Variants in PLEKHH2 observed in about 807,000 individuals in gnomAD.
PLEKHH2 encodes the protein pleckstrin homology, MyTH4 and FERM domain containing H2, also known as pleckstrin homology domain-containing family H member 2.
A neutral mutation model predicts 187.9 loss-of-function variants in PLEKHH2; 129 were observed. That is an observed-to-expected ratio of 0.69 (90% CI 0.59 to 0.79). PLEKHH2 has a LOEUF of 0.79. PLEKHH2 is among the 30% of genes least tolerant of loss of function. The pLI, the probability that PLEKHH2 is intolerant of heterozygous loss-of-function variation, is 0.00. For synonymous variants in PLEKHH2, 686 were observed against 605.6 expected, an observed-to-expected ratio of 1.13 and a Z score of -1.95; for missense variants, 2,076 against 1,751.2, an observed-to-expected ratio of 1.19 and a Z score of -3.31.
chr2:43,701,659 C>A (rs1369126630), intron 8 of PLEKHH2, among the ~76,000 whole-genome samples: 1 of 149,670 alleles, frequency 6.7e-6, no homozygotes, highest in Non-Finnish European at 1.5e-5. Flanking sequence ...TAGATAAAAT[C>A]TTCTTCCATT....
Position 43,765,498 on chromosome 2 carries a change from C to T in PLEKHH2, c.4382C>T (p.Ala1461Val), listed in dbSNP as rs1410369103. 3.1e-6 allele frequency: 5 copies of T among 1,614,168 alleles called. No homozygotes were observed. In the Admixed American group the frequency reaches 8.3e-5, roughly 27 times the overall value. The change falls in exon 30 of 30, where the codon GCA becomes GTA. Residue 1461 changes from alanine to valine, a missense_variant. Ala to Val is a moderately conservative substitution (Grantham distance 64, BLOSUM62 0). Transcript: ENST00000282406. The part of the protein sequence containing the change: ...KAAFHHLSAP[A>V]LLSAQTRGPQ... ...GCATTTCACCACCTCTCTGCTCCAG[C>T]ACTGCTCTCAGCCCAGACCCGGGGA...
intron 3 of PLEKHH2, among the ~76,000 whole-genome samples, chr2:43,688,356 T>G (rs1668630076): frequency 6.6e-6 from 1 of 152,218 alleles, no homozygotes; most frequent in South Asian, 2.1e-4. Flanking sequence ...TTTAAAATAC[T>G]CTAAACAATT....
chr2:43,699,724 C>G lies in PLEKHH2; in HGVS notation c.766C>G (p.Pro256Ala). Reference protein sequence around the residue: ...NRGQRTLHQTPCGSEQNRKTR... With the variant: ...NRGQRTLHQTACGSEQNRKTR... ...AGGCCAGAGAACATTGCATCAAACC[C>G]CTTGTGGCTCAGAACAGAATCGGAA... is the stretch of plus-strand genomic sequence containing the variant. The change falls in exon 8 of 30, where the codon CCT (proline) becomes GCT (alanine). Residue 256 changes from proline (P) to alanine (A), a missense_variant. By Grantham distance (27) the Pro-to-Ala change is conservative (BLOSUM62 -1). Coordinates refer to ENST00000282406, the MANE Select transcript of PLEKHH2 (RefSeq NM_172069.4). 6.2e-7 allele frequency: 1 copy of G among 1,614,170 alleles called. No homozygotes were observed. Among genetic ancestry groups the G allele is most frequent in the Non-Finnish European group, 8.5e-7 (1 of 1,180,032 alleles).
chr2:43,648,647 C>T (rs1387078622), intron 2 of PLEKHH2, among the ~76,000 whole-genome samples: 1 of 151,456 alleles, frequency 6.6e-6, no homozygotes, highest in Non-Finnish European at 1.5e-5. Context: ...GTTGCGCAAT[C>T]TTGGCTCACT....
chr2:43,704,715 G>GT (rs1175281322), intron 9 of PLEKHH2, among the ~76,000 whole-genome samples: 1 of 141,104 alleles, frequency 7.1e-6, no homozygotes, highest in Admixed American at 7.1e-5. Context: ...TATGTTCTGT[G>GT]TTTTTTCCCA....
chr2:43,739,169 G>T (rs1432290770), intron 20 of PLEKHH2, among the ~76,000 whole-genome samples: 2 of 152,126 alleles, frequency 1.3e-5, no homozygotes, highest in East Asian at 3.9e-4. Flanking sequence ...GGGATTACAG[G>T]TGTGAGCCAC....
chr2:43,725,328 T>C (rs1670688330), intron 16 of PLEKHH2, among the ~76,000 whole-genome samples: 1 of 152,190 alleles, frequency 6.6e-6, no homozygotes, highest in Non-Finnish European at 1.5e-5. Context: ...TCTATCTTAG[T>C]GTGTCCAAAG....
intron 3 of PLEKHH2, among the ~76,000 whole-genome samples, chr2:43,690,315 G>T (rs1418483405): frequency 2.6e-5 from 4 of 152,018 alleles, no homozygotes; most frequent in Admixed American, 2.6e-4. Context: ...TTATCATTTG[G>T]ATAGTAGAAT....
intron 1 of PLEKHH2, among the ~76,000 whole-genome samples, chr2:43,639,143 T>C (rs1703252106): frequency 6.6e-6 from 1 of 152,256 alleles, no homozygotes; most frequent in African/African-American, 2.4e-5. Context: ...TGTGAAATTC[T>C]TGGCAGGGAT....
rs372438174 is a variant in PLEKHH2 at position 43,729,742 on chromosome 2, C to A, written c.2827C>A (p.Pro943Thr). 66 of 1,584,354 alleles carry A rather than the reference C, an allele frequency of 4.2e-5. No individual in the cohort carries two copies. Among genetic ancestry groups the A allele is most frequent in the South Asian group, 6.9e-5 (6 of 86,820 alleles). ...VCKLLNIDGE[P>T]SSQIWRHPTL... ...CAAATTGCTAAATATAGACGGGGAG[C>A]CTTGTAAGTTCATAAACATATAAAT... Residue 943 changes from proline (P) to threonine (T), a missense_variant, in exon 18 of 30, where the codon CCT (proline) becomes ACT (threonine). By Grantham distance (38) the Pro-to-Thr change is conservative (BLOSUM62 -1). Transcript: ENST00000282406.
intron 3 of PLEKHH2, chr2:43,681,577 A>G: frequency 1.1e-6 from 1 of 943,180 alleles, no homozygotes. Flanking sequence ...CACCTTCGGC[A>G]CTCATGACTA....
chr2:43,746,681 A>G (rs907638576), intron 24 of PLEKHH2, among the ~76,000 whole-genome samples: 4 of 151,352 alleles, frequency 2.6e-5, no homozygotes, highest in Non-Finnish European at 5.9e-5. Flanking sequence ...TGAATACTTC[A>G]ATACCCTACT....
At chr2:43,738,672 T>G (rs2104588665) in intron 20 of PLEKHH2, 152 bp downstream of exon 20, 2 of 730,382 alleles carry the variant, frequency 2.7e-6, no homozygotes, top group African/African-American at 3.5e-5. Context: ...CCTTTTTGGT[T>G]TATTTATATG....
chr2:43,703,161 G>A (rs1490607675), intron 8 of PLEKHH2, among the ~76,000 whole-genome samples: 3 of 152,132 alleles, frequency 2.0e-5, no homozygotes, highest in African/African-American at 7.2e-5. Context: ...GAAGAGGATG[G>A]CCTTAGTTGC....
At chr2:43,698,867 A>G (rs954720208) in intron 7 of PLEKHH2, among the ~76,000 whole-genome samples, 5 of 152,232 alleles carry the variant, frequency 3.3e-5, no homozygotes, top group African/African-American at 9.6e-5. Context: ...AGATATTTTT[A>G]AAGAGTGTTA....
intron 16 of PLEKHH2, among the ~76,000 whole-genome samples, chr2:43,723,026 C>A (rs566318176): frequency 1.5e-4 from 23 of 152,230 alleles, no homozygotes; most frequent in Non-Finnish European, 2.8e-4. Flanking sequence ...ACCACTAGGT[C>A]TGTTTGCTGC....
chr2:43,706,420 A>G lies in PLEKHH2; in HGVS notation c.1821+4A>G, dbSNP rs368027435. 3.9e-6 allele frequency: 6 copies of G among 1,548,082 alleles called. No homozygotes were observed. The highest frequency in any genetic ancestry group is 2.2e-5 in the East Asian group (1 of 44,540). On this transcript the variant is annotated splice_donor_region_variant and intron_variant, in intron 10 of 29. Coordinates refer to ENST00000282406, the MANE Select transcript of PLEKHH2 (RefSeq NM_172069.4). ...AGTGTATACAACTTTGAAGGGGGTAACTCATTATTGTTATTGTTAAAACAT... is the reference window on the plus strand; with the variant it reads ...AGTGTATACAACTTTGAAGGGGGTAGCTCATTATTGTTATTGTTAAAACAT...
At chr2:43,654,503 A>G (rs1239336099) in intron 2 of PLEKHH2, among the ~76,000 whole-genome samples, 1 of 147,544 alleles carries the variant, frequency 6.8e-6, no homozygotes. Context: ...CCAGGTGTTG[A>G]TTTTTATACA....
intron 8 of PLEKHH2, among the ~76,000 whole-genome samples, chr2:43,701,569 T>C (rs983899740): frequency 6.6e-6 from 1 of 152,114 alleles, no homozygotes; most frequent in African/African-American, 2.4e-5. Context: ...CGTTATTTGA[T>C]TGGCTTTAAG....
Sources: allele counts gnomAD v4.1 joint callset (sites outside exome capture counted in the v4.1 genomes callset), GRCh38; gene constraint gnomAD v4.1.1; transcripts MANE v1.5; gene names NCBI Gene and HGNC (gene_info 2026-07-23, HGNC 2026-07-21).